ADGRL2: variants seen among roughly 807,000 people sequenced by gnomAD.
ADGRL2 encodes the protein calcium-independent alpha-latrotoxin receptor 2.
Under a neutral mutation model 157.4 loss-of-function variants are expected in ADGRL2, and 44 were observed. The observed-to-expected ratio is 0.28, with a 90% CI of 0.22 to 0.36. The LOEUF is 0.36. ADGRL2 is among the 10% of genes least tolerant of loss of function. The pLI, the probability that ADGRL2 is intolerant of heterozygous loss-of-function variation, is 1.00. For missense variants in ADGRL2, 1,510 were observed against 1,768.9 expected (o/e 0.85, Z 2.63); for synonymous variants, 585 against 624.7 (o/e 0.94, Z 0.95).
chr1:81,523,974 T>C (rs1042509747), intron 2 of ADGRL2, among the ~76,000 whole-genome samples: 5 of 150,524 alleles, frequency 3.3e-5, no homozygotes, highest in African/African-American at 1.2e-4. Context: ...CTGAGGCAGG[T>C]GAACTGCTTG....
intron 2 of ADGRL2, among the ~76,000 whole-genome samples, chr1:81,497,785 G>A (rs1304646369): frequency 6.6e-6 from 1 of 152,190 alleles, no homozygotes; most frequent in African/African-American, 2.4e-5. Context: ...GTGTTACATA[G>A]TTGTTAGCCA....
chr1:81,976,045 T>A (rs1258999247), intron 17 of ADGRL2, among the ~76,000 whole-genome samples: 2 of 152,194 alleles, frequency 1.3e-5, no homozygotes, highest in East Asian at 1.9e-4. Context: ...ACCACATTTT[T>A]AAAAATGTAT....
At chr1:81,543,636 C>T (rs1162102610) in intron 2 of ADGRL2, among the ~76,000 whole-genome samples, 1 of 152,186 alleles carries the variant, frequency 6.6e-6, no homozygotes, top group African/African-American at 2.4e-5. Context: ...ACTACGATAG[C>T]CTTCCTAATT....
intron 2 of ADGRL2, among the ~76,000 whole-genome samples, chr1:81,895,333 G>A (rs1245872826): frequency 6.6e-6 from 1 of 151,298 alleles, no homozygotes; most frequent in South Asian, 2.1e-4. Flanking sequence ...ATAAAAATTG[G>A]TAGGGAACTC....
At chr1:81,543,152 A>G (rs1451130132) in intron 2 of ADGRL2, among the ~76,000 whole-genome samples, 2 of 152,036 alleles carry the variant, frequency 1.3e-5, no homozygotes, top group African/African-American at 4.8e-5. Context: ...CATATATGCT[A>G]TGGTCTGAAT....
rs145619998 is a variant in ADGRL2 at position 81,990,647 on chromosome 1, C to T, written c.3912C>T (p.Ser1304=). Residue 1304 remains serine (S), a synonymous_variant, in exon 24 of 24, where the codon AGC becomes AGT. Transcript: ENST00000686636. ...CAGTCAAACCTGTGATTGGAGGTAG[C>T]AGCAGTGAAGATGATGCTATTGTGG... is the stretch of plus-strand genomic sequence containing the variant. The part of the protein sequence containing the change: ...TLPVKPVIGG[S]SSEDDAIVAD... 2.6e-5 allele frequency: 42 copies of T among 1,614,034 alleles called. No homozygotes were observed. Among genetic ancestry groups the T allele is most frequent in the Non-Finnish European group, 3.5e-5 (41 of 1,180,036 alleles).
chr1:81,404,970 G>C (rs960806515), intron 1 of ADGRL2, among the ~76,000 whole-genome samples: 3 of 152,140 alleles, frequency 2.0e-5, no homozygotes, highest in African/African-American at 7.2e-5. Flanking sequence ...AATTCTAAAA[G>C]CTATGTTGAC....
At chr1:81,809,642 G>A (rs899206525) in intron 1 of ADGRL2, among the ~76,000 whole-genome samples, 2 of 151,838 alleles carry the variant, frequency 1.3e-5, no homozygotes, top group South Asian at 2.1e-4. Context: ...AATAAAAATG[G>A]GCTTAATTTT....
In ADGRL2 at chr1:81,517,917, T is replaced by C. The variant is rs376415454; in HGVS notation, c.-247-62959T>C. Among the ~76,000 whole-genome samples, 34 of 152,328 alleles carry C rather than the reference T, an allele frequency of 2.2e-4. 6 individuals carry two copies. The highest frequency in any genetic ancestry group is 1.5e-3 in the East Asian group (8 of 5,182). On this transcript the variant is annotated intron_variant, in intron 2 of 24. Transcript: ENST00000370721. The stretch of plus-strand genomic sequence containing the variant: ...ACCAGTTTCTGAGAATGCCTAAAAT[T>C]TCAGCATCAGTGAATTAAGCTACCA...
chr1:81,685,323 T>G (rs2083206432), intron 3 of ADGRL2, among the ~76,000 whole-genome samples: 1 of 152,182 alleles, frequency 6.6e-6, no homozygotes. Flanking sequence ...AGCGGTGTTT[T>G]ATAGATTTTC....
At chr1:81,340,064 C>G (rs1267919418) in intron 1 of ADGRL2, among the ~76,000 whole-genome samples, 3 of 152,092 alleles carry the variant, frequency 2.0e-5, no homozygotes, top group Admixed American at 6.5e-5. Context: ...GAAGTGTGCT[C>G]AGAAAATTCT....
intron 22 of ADGRL2, 65 bp downstream of exon 22, chr1:81,987,094 T>C: frequency 6.5e-7 from 1 of 1,545,760 alleles, no homozygotes; most frequent in Non-Finnish European, 8.8e-7. Context: ...ATCTTTGCCC[T>C]GTTTCTAAAA....
intron 1 of ADGRL2, among the ~76,000 whole-genome samples, chr1:81,385,033 G>A (rs1162848459): frequency 6.6e-6 from 1 of 152,106 alleles, no homozygotes; most frequent in African/African-American, 2.4e-5. Context: ...GTTGTAGTGA[G>A]TTCTACATAC....
chr1:81,853,994 CT>C (rs1221262651), intron 2 of ADGRL2, among the ~76,000 whole-genome samples: 1 of 151,944 alleles, frequency 6.6e-6, no homozygotes, highest in Non-Finnish European at 1.5e-5. Flanking sequence ...ATCATGTTTT[CT>C]TTTTTTGTCA....
intron 2 of ADGRL2, among the ~76,000 whole-genome samples, chr1:81,897,995 G>T (rs1452334184): frequency 6.6e-6 from 1 of 152,080 alleles, no homozygotes; most frequent in Admixed American, 6.5e-5. Context: ...CTACTCTGGG[G>T]TGAGGAAGAG....
rs546012656 is a variant in ADGRL2 at position 81,828,155 on chromosome 1, G to C, written c.-100-8730G>C. Among the ~76,000 whole-genome samples the C allele has an allele frequency of 6.4e-4, 98 of 152,260 alleles. 1 individual carries two copies. The highest frequency in any genetic ancestry group is 2.3e-3 in the African/African-American group (97 of 41,564). On this transcript the variant is annotated intron_variant, in intron 1 of 23. Transcript: ENST00000686636. ...TTGGCACACAGCCAATGTCATTTCG[G>C]TATGCATTGCCTGTGGCACCTTTCA...
intron 2 of ADGRL2, among the ~76,000 whole-genome samples, chr1:81,884,056 G>C (rs555102986): frequency 2.0e-5 from 3 of 150,074 alleles, no homozygotes; most frequent in East Asian, 3.9e-4. Flanking sequence ...CAGTGGTTTG[G>C]TTCCCTTCAG....
intron 2 of ADGRL2, among the ~76,000 whole-genome samples, chr1:81,859,311 G>A (rs1197196376): frequency 6.6e-6 from 1 of 151,346 alleles, no homozygotes; most frequent in Non-Finnish European, 1.5e-5. Context: ...TTATTGTGTA[G>A]TATTCTTTGA....
chr1:81,397,966 A>G (rs928976901), intron 1 of ADGRL2, among the ~76,000 whole-genome samples: 3 of 152,184 alleles, frequency 2.0e-5, no homozygotes, highest in African/African-American at 4.8e-5. Context: ...CTTTAAGCTA[A>G]TAACATTTGT....
Sources: allele counts gnomAD v4.1 joint callset (sites outside exome capture counted in the v4.1 genomes callset), GRCh38; gene constraint gnomAD v4.1.1; transcripts MANE v1.5; gene names NCBI Gene and HGNC (gene_info 2026-07-23, HGNC 2026-07-21).